PARD3B: variants seen among roughly 807,000 people sequenced by gnomAD.
The protein encoded by PARD3B is partitioning defective 3 homolog B.
A neutral mutation model predicts 130.2 loss-of-function variants in PARD3B; 103 were observed. The ratio of observed to expected loss-of-function variants is 0.79; its 90% CI spans 0.67 to 0.93. The LOEUF (loss-of-function observed/expected upper bound fraction) is 0.93. Ranked by LOEUF, PARD3B falls within the 40% of genes least tolerant of loss-of-function variation. The probability of loss-of-function intolerance (pLI) is 0.00; values close to 1 mark genes in which losing one functional copy is unlikely to be tolerated. For missense variants in PARD3B, 1,609 were observed against 1,499.2 expected, an observed-to-expected ratio of 1.07 and a Z score of -1.21; for synonymous variants, 583 against 553.2, an observed-to-expected ratio of 1.05 and a Z score of -0.76.
chr2:204,640,333 C>T (rs2035032780), intron 1 of PARD3B, among the ~76,000 whole-genome samples: 1 of 152,162 alleles, frequency 6.6e-6, no homozygotes, highest in Non-Finnish European at 1.5e-5. Flanking sequence ...CTTCAGGAGG[C>T]ATCAGCAGGT....
At chr2:205,361,096 T>C (rs2044371018) in intron 18 of PARD3B, among the ~76,000 whole-genome samples, 1 of 152,050 alleles carries the variant, frequency 6.6e-6, no homozygotes, top group South Asian at 2.1e-4. Flanking sequence ...GGAGGAATGG[T>C]ATAAGGATAA....
At chr2:204,644,664 T>TG (rs1193007786) in intron 1 of PARD3B, among the ~76,000 whole-genome samples, 1 of 152,136 alleles carries the variant, frequency 6.6e-6, no homozygotes, top group African/African-American at 2.4e-5. Flanking sequence ...AAAATGTGTG[T>TG]GGGGTCCCAC....
intron 18 of PARD3B, among the ~76,000 whole-genome samples, chr2:205,368,701 C>T (rs970992541): frequency 4.6e-5 from 7 of 152,056 alleles, no homozygotes; most frequent in Non-Finnish European, 8.8e-5. Context: ...AGGTACAAAA[C>T]TAACGTTATC....
rs541144870 is a variant in PARD3B at position 205,126,240 on chromosome 2, G to T, written c.1434+503G>T. Among the ~76,000 whole-genome samples, 6 of 152,230 alleles carry T rather than the reference G, an allele frequency of 3.9e-5. No homozygotes were observed. In the East Asian group the frequency reaches 1.2e-3, roughly 29 times the overall value. ...GGGATAGACATCTTGAGAAAGATGA[G>T]TTCAAAAGCCTTATTAAAAATGTAT... On this transcript the variant is annotated intron_variant, in intron 10 of 22. Coordinates refer to ENST00000406610, the MANE Select transcript of PARD3B (RefSeq NM_001302769.2).
At chr2:205,009,522 T>C (rs1695538463) in intron 3 of PARD3B, among the ~76,000 whole-genome samples, 1 of 150,838 alleles carries the variant, frequency 6.6e-6, no homozygotes, top group Admixed American at 6.6e-5. Flanking sequence ...ATACAAAAAA[T>C]TAGCCGGGCA....
chr2:204,885,561 G>T (rs1326189548), intron 2 of PARD3B, among the ~76,000 whole-genome samples: 1 of 152,082 alleles, frequency 6.6e-6, no homozygotes, highest in Non-Finnish European at 1.5e-5. Flanking sequence ...CTCCTGTGAG[G>T]CAGATTGTGT....
At chr2:204,920,857 G>A (rs191190311) in intron 2 of PARD3B, among the ~76,000 whole-genome samples, 3 of 152,208 alleles carry the variant, frequency 2.0e-5, no homozygotes, top group Admixed American at 2.0e-4. Flanking sequence ...TGTTTGACAG[G>A]TTTCTGATTC....
At chr2:205,479,895 A>AT (rs71032475) in intron 20 of PARD3B, among the ~76,000 whole-genome samples, 13,780 of 125,336 alleles carry the variant, frequency 0.11, 1,026 homozygotes, top group South Asian at 0.2. Context: ...GCCATATGCA[A>AT]TTTTTTTTTT....
intron 15 of PARD3B, among the ~76,000 whole-genome samples, chr2:205,215,714 T>C (rs2037873136): frequency 1.3e-5 from 2 of 151,926 alleles, no homozygotes; most frequent in Non-Finnish European, 2.9e-5. Context: ...TAAGGCAGAG[T>C]GGTAATTATA....
chr2:205,184,066 T>C (rs1028760333), intron 13 of PARD3B, among the ~76,000 whole-genome samples: 1 of 152,126 alleles, frequency 6.6e-6, no homozygotes, highest in African/African-American at 2.4e-5. Context: ...GAGGCAATCT[T>C]TTTTGTTCTA....
chr2:204,555,286 C>T (rs1247269063), intron 1 of PARD3B, among the ~76,000 whole-genome samples: 1 of 152,090 alleles, frequency 6.6e-6, no homozygotes, highest in African/African-American at 2.4e-5. Context: ...GGGCCTGGTA[C>T]GGTGGCTCAC....
intron 2 of PARD3B, among the ~76,000 whole-genome samples, chr2:204,945,215 T>G (rs13390761): frequency 0.048 from 7,292 of 152,254 alleles, 344 homozygotes; most frequent in African/African-American, 0.11. Context: ...GGAAGAATCT[T>G]CAAACCTTAA....
intron 15 of PARD3B, among the ~76,000 whole-genome samples, chr2:205,224,953 G>A (rs1199281838): frequency 6.6e-5 from 10 of 151,558 alleles, no homozygotes; most frequent in African/African-American, 2.4e-4. Flanking sequence ...TAAGTTCTAG[G>A]GTACATGTAG....
intron 2 of PARD3B, among the ~76,000 whole-genome samples, chr2:204,793,649 AG>A (rs1468343989): frequency 6.6e-6 from 1 of 152,088 alleles, no homozygotes; most frequent in African/African-American, 2.4e-5. Flanking sequence ...CTGGGATTAC[AG>A]GTGCCCACCA....
intron 10 of PARD3B, among the ~76,000 whole-genome samples, chr2:205,136,818 G>T (rs1010082446): frequency 2.0e-5 from 3 of 152,282 alleles, no homozygotes; most frequent in Middle Eastern, 3.4e-3. Context: ...ATGTTCAGAA[G>T]AATTGCCATC....
At position 204,985,179 on chromosome 2, in the gene PARD3B, C is replaced by G. The variant is rs572573060; in HGVS notation, c.394+19856C>G. On this transcript the variant is annotated intron_variant, in intron 3 of 22. Coordinates refer to ENST00000406610, the MANE Select transcript of PARD3B (RefSeq NM_001302769.2). ...CTTCCCCCACTTCTTTCCTTACATC[C>G]TCCTTCCTTCCCTCCTGCCTGTTTT... is the stretch of plus-strand genomic sequence containing the variant. Among the ~76,000 whole-genome samples, 4 of 151,924 alleles carry G rather than the reference C, an allele frequency of 2.6e-5. No homozygotes were observed. The East Asian group carries it at 7.8e-4, about 30-fold the overall frequency.
chr2:205,276,770 A>G lies in PARD3B; in HGVS notation c.2186-23760A>G, dbSNP rs1473377780. On this transcript the variant is annotated intron_variant, in intron 16 of 22. Coordinates refer to ENST00000406610, the MANE Select transcript of PARD3B (RefSeq NM_001302769.2). The surrounding 1 kb of genome is among the most constrained non-coding windows in gnomAD (Gnocchi z 5.0). Reference sequence around the variant, plus strand: ...ATTTGTCATCCTGCTAGAGAGACCTATAGATTGGTGGTTAACCACATGGAT... The same window carrying G: ...ATTTGTCATCCTGCTAGAGAGACCTGTAGATTGGTGGTTAACCACATGGAT... Among the ~76,000 whole-genome samples, 2 of 152,220 alleles carry G rather than the reference A, an allele frequency of 1.3e-5. No homozygotes were observed. The highest frequency in any genetic ancestry group is 2.4e-5 in the African/African-American group (1 of 41,460).
At chr2:204,932,125 A>G (rs376267611) in intron 2 of PARD3B, among the ~76,000 whole-genome samples, 17 of 152,214 alleles carry the variant, frequency 1.1e-4, no homozygotes, top group Admixed American at 2.6e-4. Flanking sequence ...CATGCTTTCA[A>G]TGGGTTACAG....
chr2:205,215,186 A>G (rs1386956216), intron 15 of PARD3B, among the ~76,000 whole-genome samples: 1 of 152,102 alleles, frequency 6.6e-6, no homozygotes, highest in African/African-American at 2.4e-5. Flanking sequence ...TGAAAAGAGA[A>G]AAATTTGTTT....
Sources: gnomAD v4.1 joint callset for allele counts (sites outside exome capture counted in the v4.1 genomes callset) on GRCh38, gnomAD v4.1.1 for gene constraint, Gnocchi (gnomAD v3.1) non-coding constraint, MANE v1.5 for transcripts, NCBI Gene and HGNC (gene_info 2026-07-23, HGNC 2026-07-21) for gene names.